Variants in CFAP74 observed in about 807,000 individuals in gnomAD.
CFAP74 encodes the protein cilia- and flagella-associated protein 74.
Under a neutral mutation model 188.9 loss-of-function variants are expected in CFAP74, and 124 were observed. The ratio of observed to expected loss-of-function variants is 0.66; its 90% confidence interval spans 0.57 to 0.76. The LOEUF is 0.76. Among genes scored for constraint, CFAP74 ranks in the 30% least tolerant of loss-of-function variants. The pLI is 0.00. For missense variants in CFAP74, 2,198 were observed against 2,165.2 expected (o/e 1.02, Z -0.30); for synonymous variants, 956 against 916.7 (o/e 1.04, Z -0.77).
At chr1:1,947,240 C>T (rs1258678209) in intron 18 of CFAP74, among the ~76,000 whole-genome samples, 186 bp from the exon 19 acceptor site, 2 of 152,250 alleles carry the variant, frequency 1.3e-5, no homozygotes, top group African/African-American at 4.8e-5. Context: ...CCAGTCCCCA[C>T]CGTGCCCGGA....
chr1:1,961,149 A>G (rs1655063244), intron 14 of CFAP74, among the ~76,000 whole-genome samples: 1 of 152,204 alleles, frequency 6.6e-6, no homozygotes, highest in Non-Finnish European at 1.5e-5. Flanking sequence ...TGCGAAAAAG[A>G]GACAAGAAAT....
Position 1,942,870 on chromosome 1 carries a change from T to C in CFAP74, c.2487-714A>G, listed in dbSNP as rs1653481305. Among the ~76,000 whole-genome samples the C allele has an allele frequency of 6.6e-6, 1 of 152,116 alleles. No homozygotes were observed. The highest frequency in any genetic ancestry group is 1.5e-5 in the Non-Finnish European group (1 of 67,998). On this transcript the variant is annotated intron_variant, in intron 21 of 38. Coordinates refer to ENST00000682832, the MANE Select transcript of CFAP74 (RefSeq NM_001304360.2). The surrounding 1 kb of genome is among the most constrained non-coding windows in gnomAD (Gnocchi z 4.3). ...AGGGGGGACCCAGAGGGTGTGGCAGTGAGAAATCTCCTCCCTCCTGTGCTT... is the reference window on the plus strand; with the variant it reads ...AGGGGGGACCCAGAGGGTGTGGCAGCGAGAAATCTCCTCCCTCCTGTGCTT...
chr1:1,922,699 C>A lies in CFAP74; in HGVS notation c.4708G>T (p.Val1570Phe). 6.2e-7 allele frequency: 1 copy of A among 1,601,390 alleles called. No individual in the cohort carries two copies. The highest frequency in any genetic ancestry group is 2.3e-5 in the East Asian group (1 of 44,018). The change falls in exon 38 of 39, where the codon GTC becomes TTC. Residue 1570 changes from valine (V) to phenylalanine (F), a missense_variant. By Grantham distance (50) the Val-to-Phe change is conservative. Transcript: ENST00000682832. ...KKTVEFSIDSVASLQHKGFSI... is the reference protein window; with the variant it reads ...KKTVEFSIDSFASLQHKGFSI... ...AAACCCTTGTGCTGCAGGGATGCGA[C>A]GCTGTCTATGCTGAACTCAACGGTC... is the stretch of plus-strand genomic sequence containing the variant.
At chr1:1,987,810 G>T (rs537081742) in intron 4 of CFAP74, among the ~76,000 whole-genome samples, 1 of 152,168 alleles carries the variant, frequency 6.6e-6, no homozygotes, top group Non-Finnish European at 1.5e-5. Flanking sequence ...AAAGTGCTGG[G>T]ATTACAGGTG....
intron 22 of CFAP74, 60 bp downstream of exon 22, chr1:1,941,968 G>A (rs1022728196): frequency 7.9e-5 from 111 of 1,399,916 alleles, no homozygotes; most frequent in African/African-American, 4.3e-5. Context: ...GGCGAGGAGC[G>A]CCTCGGAGCC....
At chr1:1,924,041 G>C (rs1651617279) in intron 34 of CFAP74, 112 bp from the exon 35 acceptor site, 2 of 1,051,640 alleles carry the variant, frequency 1.9e-6, no homozygotes, top group African/African-American at 2.1e-5. Flanking sequence ...CAGAGCCCCT[G>C]TCCTGCCCGG....
chr1:1,947,097 G>A (rs1259800697), intron 18 of CFAP74, 43 bp from the exon 19 acceptor site: 7 of 1,435,050 alleles, frequency 4.9e-6, no homozygotes, highest in Middle Eastern at 1.7e-4. Flanking sequence ...TGGCAGGGTG[G>A]AGGCAGTGTG....
intron 1 of CFAP74, among the ~76,000 whole-genome samples, chr1:1,995,361 G>A (rs553344517): frequency 4.0e-5 from 6 of 151,866 alleles, no homozygotes; most frequent in South Asian, 2.1e-4. Context: ...GCGTGATGGC[G>A]CATCCCTGTA....
In CFAP74 at chr1:1,970,826, A is replaced by C. The variant is rs1471088632; in HGVS notation, c.889-10T>G. The C allele has an allele frequency of 1.2e-6, 2 of 1,613,630 alleles. No homozygotes were observed. Among genetic ancestry groups the C allele is most frequent in the Non-Finnish European group, 1.7e-6 (2 of 1,179,734 alleles). On this transcript the variant is annotated splice_polypyrimidine_tract_variant and intron_variant, in intron 9 of 38. Transcript: ENST00000682832. ...ACTTCCGCAGTGTGTCCTTGGAAAC[A>C]GAGAGCACTGAGATGACAGCAGCAG...
At chr1:1,956,924 C>G in intron 16 of CFAP74, 140 bp from the exon 17 acceptor site, 1 of 862,878 alleles carries the variant, frequency 1.2e-6, no homozygotes, top group South Asian at 1.7e-5. Context: ...GTACACGATT[C>G]AACCCAGAAA....
intron 9 of CFAP74, among the ~76,000 whole-genome samples, chr1:1,971,346 C>G (rs1411082161): frequency 1.4e-4 from 21 of 151,698 alleles, no homozygotes; most frequent in Admixed American, 5.2e-4. Flanking sequence ...CACACGTGCA[C>G]ACACATGCAC....
chr1:1,968,525 G>A lies in CFAP74; in HGVS notation c.1245+110C>T, dbSNP rs1655640426. 1 of 885,272 alleles carries A rather than the reference G, an allele frequency of 1.1e-6. No individual in the cohort carries two copies. Among genetic ancestry groups the A allele is most frequent in the African/African-American group, 1.7e-5 (1 of 59,784 alleles). The allele number at this position is 885,272 out of a possible 1,614,324, so 54.8% of individuals were successfully genotyped here. On this transcript the variant is annotated intron_variant, in intron 11 of 38. Coordinates refer to ENST00000682832, the MANE Select transcript of CFAP74 (RefSeq NM_001304360.2). The surrounding 1 kb of genome is among the most constrained non-coding windows in gnomAD (Gnocchi z 4.3). ...GCGGGCTCAGCAACCCCCTGCAGGTGGCCATGGTGCTGAGGTCCTCAGAGG... is the reference window on the plus strand; with the variant it reads ...GCGGGCTCAGCAACCCCCTGCAGGTAGCCATGGTGCTGAGGTCCTCAGAGG...
intron 9 of CFAP74, among the ~76,000 whole-genome samples, chr1:1,971,137 A>G (rs1655989296): frequency 1.4e-5 from 2 of 147,008 alleles, no homozygotes; most frequent in South Asian, 4.4e-4. Flanking sequence ...GTGCACACAC[A>G]TGCTCGCACA....
chr1:1,988,818 A>AACCCCCCCCCCCCCCCCCC, intron 3 of CFAP74, 71 bp downstream of exon 3: 1 of 263,642 alleles, frequency 3.8e-6, no homozygotes, highest in South Asian at 2.6e-5. Flanking sequence ...CGCTCCCTTC[A>AACCCCCCCCCCCCCCCCCC]CCCACCCCCC....
intron 6 of CFAP74, among the ~76,000 whole-genome samples, chr1:1,976,026 G>A (rs1042294843): frequency 3.5e-4 from 54 of 152,206 alleles, no homozygotes; most frequent in African/African-American, 1.2e-3. Context: ...CAGCAGCTTC[G>A]ATGGCCTATG....
rs1406044913 is a variant in CFAP74 at position 1,964,969 on chromosome 1, C to T, written c.1494G>A (p.Arg498=). 5 of 1,613,984 alleles carry T rather than the reference C, an allele frequency of 3.1e-6. No individual in the cohort carries two copies. The highest frequency in any genetic ancestry group is 2.2e-5 in the East Asian group (1 of 44,880). Residue 498 remains arginine, a synonymous_variant, in exon 13 of 39, where the codon AGG becomes AGA. Coordinates refer to ENST00000682832, the MANE Select transcript of CFAP74 (RefSeq NM_001304360.2). ...LERTVERLRS[R]VVHKQVVWGR... is the part of the protein sequence containing the mutation. ...CCCACACCACCTGCTTGTGGACCAC[C>T]CTGCTCCGCAGCCGCTCCACCGTGC...
In CFAP74 at chr1:1,925,907, C is replaced by T; in HGVS notation, c.3980G>A (p.Arg1327Lys). Residue 1327 changes from arginine (R) to lysine (K), a missense_variant, in exon 33 of 39, where the codon AGA (arginine) becomes AAA (lysine). Arg to Lys is a conservative substitution (Grantham distance 26). Transcript: ENST00000682832. ...AQETLDIITKRGTLTLTLMGT... is the reference protein window; with the variant it reads ...AQETLDIITKKGTLTLTLMGT... ...CATGAGGGTGAGGGTGAGCGTGCCT[C>T]TCTTGGTGATGATGTCCAGTGTTTC... 1.2e-6 allele frequency: 2 copies of T among 1,611,936 alleles called. No homozygotes were observed. Among genetic ancestry groups the T allele is most frequent in the Non-Finnish European group, 1.7e-6 (2 of 1,179,546 alleles).
chr1:1,960,147 G>C, intron 14 of CFAP74, 117 bp from the exon 15 acceptor site: 1 of 827,052 alleles, frequency 1.2e-6, no homozygotes. Flanking sequence ...CCCGGGCCTG[G>C]CCCCCTGCCC....
Position 1,979,335 on chromosome 1 carries a change from T to C in CFAP74, c.501-5137A>G, listed in dbSNP as rs377035718. On this transcript the variant is annotated intron_variant, in intron 6 of 38. Coordinates refer to ENST00000682832, the MANE Select transcript of CFAP74 (RefSeq NM_001304360.2). ...CTGAGCTGGGCGTGGGAAGGCATCA[T>C]GTGACAAGGCTGCACAGAACATGCG... 1.3e-4 allele frequency among the ~76,000 whole-genome samples: 8 copies of C among 59,796 alleles called. 1 individual carries two copies. The highest frequency in any genetic ancestry group is 1.9e-4 in the Non-Finnish European group (5 of 26,296). The allele number at this position is 59,796 out of a possible 152,430, so 39.2% of individuals were successfully genotyped here.
Sources: allele counts gnomAD v4.1 joint callset (sites outside exome capture counted in the v4.1 genomes callset), GRCh38; gene constraint gnomAD v4.1.1; non-coding constraint Gnocchi (gnomAD v3.1); transcripts MANE v1.5; gene names NCBI Gene and HGNC (gene_info 2026-07-23, HGNC 2026-07-21).